Variants in IL1RAPL1 observed in about 807,000 individuals in gnomAD.
The protein encoded by IL1RAPL1 is interleukin-1 receptor accessory protein-like 1.
In IL1RAPL1, 3 loss-of-function variants were observed where a neutral mutation model predicts 48.4. The ratio of observed to expected loss-of-function variants is 0.06; its 90% CI spans 0.03 to 0.16. IL1RAPL1 has a LOEUF of 0.16. Among genes scored for constraint, IL1RAPL1 ranks in the 10% least tolerant of loss-of-function variants. The pLI is 1.00. For missense variants in IL1RAPL1, 349 were observed against 530.6 expected, an observed-to-expected ratio of 0.66 and a Z score of 3.36; for synonymous variants, 185 against 187.7, an observed-to-expected ratio of 0.99 and a Z score of 0.12.
chrX:28,898,353 A>G lies in IL1RAPL1; in HGVS notation c.82+108928A>G, dbSNP rs12014012. Reference sequence around the variant, plus strand: ...AGTCTGCCTAACTTAAGATCACAAAAATTTCTCCTGTATTTTCTTCAAAGA... The same window carrying G: ...AGTCTGCCTAACTTAAGATCACAAAGATTTCTCCTGTATTTTCTTCAAAGA... On this transcript the variant is annotated intron_variant, in intron 2 of 10. Coordinates refer to ENST00000378993, the MANE Select transcript of IL1RAPL1 (RefSeq NM_014271.4). Among the ~76,000 whole-genome samples, 550 of 111,896 alleles carry G rather than the reference A, an allele frequency of 4.9e-3. 3 individuals are homozygous for G. The highest frequency in any genetic ancestry group is 0.017 in the African/African-American group (530 of 30,758).
chrX:29,310,135 G>GAA (rs763228577), intron 3 of IL1RAPL1, among the ~76,000 whole-genome samples: 6 of 41,151 alleles, frequency 1.5e-4, no homozygotes, highest in African/African-American at 2.5e-4. Context: ...AAAAAGAAAG[G>GAA]AAAAAAAAAA....
intron 6 of IL1RAPL1, among the ~76,000 whole-genome samples, chrX:29,811,082 T>G (rs1213603781): frequency 9.1e-6 from 1 of 110,457 alleles, no homozygotes; most frequent in Non-Finnish European, 1.9e-5. Flanking sequence ...TCTCTTTCTT[T>G]GTAGTATGCT....
intron 2 of IL1RAPL1, among the ~76,000 whole-genome samples, chrX:28,892,709 G>A (rs1043233870): frequency 4.5e-5 from 5 of 110,793 alleles, no homozygotes; most frequent in Non-Finnish European, 7.6e-5. Context: ...GATTAGGGGC[G>A]GCGTGGGAAC....
chrX:28,596,338 T>TCTCC (rs1933955280), intron 1 of IL1RAPL1, among the ~76,000 whole-genome samples: 1 of 110,506 alleles, frequency 9.0e-6, no homozygotes, highest in Non-Finnish European at 1.9e-5. Context: ...TGCCTGCCTG[T>TCTCC]CTCCCTCCCT....
At chrX:28,640,227 T>C (rs1934517118) in intron 1 of IL1RAPL1, among the ~76,000 whole-genome samples, 1 of 112,066 alleles carries the variant, frequency 8.9e-6, no homozygotes, top group South Asian at 3.7e-4. Context: ...CCAAGGATAA[T>C]GTAAATATAT....
chrX:29,557,850 CT>C (rs200075193), intron 5 of IL1RAPL1, among the ~76,000 whole-genome samples: 15 of 109,802 alleles, frequency 1.4e-4, no homozygotes, highest in African/African-American at 4.9e-4. Flanking sequence ...GCATGATATC[CT>C]TTTTTTTAAA....
rs1569167269 is a variant in IL1RAPL1 at position 29,782,887 on chromosome X, CA to C, written c.778+114384del. ...GGAAGATAAAATGGGTTGATCGTGA[CA>C]TTTTTTTTTTTTTTTTTTTTTTTTT... On this transcript the variant is annotated intron_variant, in intron 6 of 10. Transcript: ENST00000378993. 1.1e-3 allele frequency among the ~76,000 whole-genome samples: 64 copies of C among 59,847 alleles called. 1 individual carries two copies. The highest frequency in any genetic ancestry group is 3.2e-3 in the African/African-American group (50 of 15,461). The allele number at this position is 59,847 out of a possible 115,157, so 52.0% of individuals were successfully genotyped here.
At chrX:28,627,353 T>C (rs1934350564) in intron 1 of IL1RAPL1, among the ~76,000 whole-genome samples, 1 of 111,848 alleles carries the variant, frequency 8.9e-6, no homozygotes, top group Non-Finnish European at 1.9e-5. Context: ...CAAGTTTATG[T>C]GGTGGTTCTC....
chrX:28,905,058 T>C (rs686695), intron 2 of IL1RAPL1, among the ~76,000 whole-genome samples: 39,044 of 109,702 alleles, frequency 0.36, 5,296 homozygotes, highest in African/African-American at 0.45. Context: ...CATTTAGTTT[T>C]GGATATTTTC....
At chrX:29,362,585 A>G (rs1044117130) in intron 3 of IL1RAPL1, among the ~76,000 whole-genome samples, 1 of 111,643 alleles carries the variant, frequency 9.0e-6, no homozygotes, top group African/African-American at 3.3e-5. Context: ...GGACTGTGGC[A>G]TGTGTGAAGC....
intron 6 of IL1RAPL1, among the ~76,000 whole-genome samples, chrX:29,890,831 T>C (rs1282151521): frequency 8.9e-6 from 1 of 112,046 alleles, no homozygotes; most frequent in African/African-American, 3.2e-5. Context: ...CTATTCAAGA[T>C]AGGTCAGGTT....
intron 8 of IL1RAPL1, among the ~76,000 whole-genome samples, chrX:29,923,294 C>G (rs770254341): frequency 1.8e-5 from 2 of 112,346 alleles, no homozygotes; most frequent in East Asian, 5.6e-4. Flanking sequence ...AAATCTTGCT[C>G]GAGAATATCC....
At chrX:29,782,076 ATCTGTCTGTCTG>A (rs72074858) in intron 6 of IL1RAPL1, among the ~76,000 whole-genome samples, 52 of 95,187 alleles carry the variant, frequency 5.5e-4, no homozygotes, top group African/African-American at 1.9e-3. Context: ...ATCCATATCT[ATCTGTCTGTCTG>A]TCTGTCTGTC....
intron 2 of IL1RAPL1, among the ~76,000 whole-genome samples, chrX:29,125,113 G>A (rs1249901698): frequency 8.9e-6 from 1 of 112,335 alleles, no homozygotes; most frequent in Non-Finnish European, 1.9e-5. Flanking sequence ...GTTAATTCCT[G>A]TAGTGTTCTC....
chrX:29,536,946 TGGCTTATATAATAAAATTATATAAACAAA>T (rs1921254041), intron 5 of IL1RAPL1, among the ~76,000 whole-genome samples: 2 of 110,417 alleles, frequency 1.8e-5, no homozygotes, highest in Admixed American at 9.7e-5. Flanking sequence ...ATATAAACAA[TGGCTTATATAATAAAATTATATAAACAAA>T]GGCTTAGATA....
At chrX:29,531,848 C>G (rs1172390311) in intron 5 of IL1RAPL1, among the ~76,000 whole-genome samples, 1 of 111,833 alleles carries the variant, frequency 8.9e-6, no homozygotes, top group Non-Finnish European at 1.9e-5. Context: ...AGCATTCTCC[C>G]TGTATCTCTG....
At chrX:29,374,410 A>G in intron 3 of IL1RAPL1, among the ~76,000 whole-genome samples, 1 of 104,761 alleles carries the variant, frequency 9.5e-6, no homozygotes, top group Non-Finnish European at 1.9e-5. Flanking sequence ...GGCTCAAGCA[A>G]TTGAGGAGTT....
intron 5 of IL1RAPL1, among the ~76,000 whole-genome samples, chrX:29,486,713 A>G (rs917253044): frequency 9.3e-6 from 1 of 108,099 alleles, no homozygotes; most frequent in Non-Finnish European, 1.9e-5. Flanking sequence ...GAAGTTCAGA[A>G]GTTCTCAGAC....
intron 2 of IL1RAPL1, among the ~76,000 whole-genome samples, chrX:29,155,896 CATAA>C (rs1481012031): frequency 1.8e-4 from 20 of 110,049 alleles, no homozygotes; most frequent in African/African-American, 5.3e-4. Context: ...AATAGTCACA[CATAA>C]ATACTTTATA....
Sources: allele counts gnomAD v4.1 joint callset (sites outside exome capture counted in the v4.1 genomes callset), GRCh38; gene constraint gnomAD v4.1.1; transcripts MANE v1.5; gene names NCBI Gene and HGNC (gene_info 2026-07-23, HGNC 2026-07-21).